KCNH8: variants seen among roughly 807,000 people sequenced by gnomAD.
The protein encoded by KCNH8 is voltage-gated delayed rectifier potassium channel KCNH8.
A neutral mutation model predicts 103.6 loss-of-function variants in KCNH8; 70 were observed. The observed-to-expected ratio is 0.68, with a 90% confidence interval of 0.56 to 0.82. The LOEUF is 0.82. Ranked by LOEUF, KCNH8 falls within the 40% of genes least tolerant of loss-of-function variation. The pLI, the probability that KCNH8 is intolerant of heterozygous loss-of-function variation, is 0.00. For synonymous variants in KCNH8, 498 were observed against 489.4 expected, an observed-to-expected ratio of 1.02 and a Z score of -0.23; for missense variants, 1,217 against 1,329.9, an observed-to-expected ratio of 0.92 and a Z score of 1.32.
intron 3 of KCNH8, among the ~76,000 whole-genome samples, chr3:19,329,696 A>G (rs1255711701): frequency 2.0e-5 from 3 of 152,188 alleles, no homozygotes; most frequent in Non-Finnish European, 2.9e-5. Flanking sequence ...GATAACTTCA[A>G]AAATCCCATG....
chr3:19,486,563 G>A (rs1346686002), intron 11 of KCNH8, among the ~76,000 whole-genome samples: 2 of 152,062 alleles, frequency 1.3e-5, no homozygotes, highest in Admixed American at 6.5e-5. Flanking sequence ...CCCCACAGTC[G>A]GTTAAAACTG....
rs566823077 is a variant in KCNH8 at position 19,242,297 on chromosome 3, A to G, written c.77-11357A>G. ...TAGGTTAGCACCATTCCACGGTCAT[A>G]CCATTGACATCACTAACTAATGAAA... On this transcript the variant is annotated intron_variant, in intron 1 of 15. Transcript: ENST00000328405. 3.2e-3 allele frequency among the ~76,000 whole-genome samples: 483 copies of G among 152,180 alleles called. 2 individuals carry two copies. The highest frequency in any genetic ancestry group is 5.7e-3 in the Non-Finnish European group (387 of 68,024).
chr3:19,238,348 T>A (rs916621935), intron 1 of KCNH8, among the ~76,000 whole-genome samples: 1 of 152,150 alleles, frequency 6.6e-6, no homozygotes, highest in African/African-American at 2.4e-5. Flanking sequence ...TATGTGACAA[T>A]GCTGCAGATA....
At position 19,347,732 on chromosome 3, in the gene KCNH8, T is replaced by C; in HGVS notation, c.578T>C (p.Phe193Ser). 1 of 1,612,882 alleles carries C rather than the reference T, an allele frequency of 6.2e-7. No individual in the cohort carries two copies. The highest frequency in any genetic ancestry group is 8.5e-7 in the Non-Finnish European group (1 of 1,179,224). ...TTTTGTCTTCATCCACAGAATGTTTTTGTAGATAAACCAGCATTTCCGGAG... is the reference window on the plus strand; with the variant it reads ...TTTTGTCTTCATCCACAGAATGTTTCTGTAGATAAACCAGCATTTCCGGAG... ...KNKLKINNNV[F>S]VDKPAFPEYK... Residue 193 changes from phenylalanine to serine, a missense_variant, in exon 5 of 16, where the codon TTT becomes TCT. Transcript: ENST00000328405.
chr3:19,411,525 G>A (rs541776912), intron 7 of KCNH8, among the ~76,000 whole-genome samples: 6 of 152,046 alleles, frequency 3.9e-5, no homozygotes, highest in African/African-American at 9.6e-5. Context: ...GCAATCAGTC[G>A]AGAGAAAGAA....
Position 19,325,290 on chromosome 3 carries a change from G to A in KCNH8, c.443-17297G>A, listed in dbSNP as rs1361363393. ...AATACCATTTAGGGCATAGGCATGG[G>A]CAAAGATTTCATGATGAAGACACGA... On this transcript the variant is annotated intron_variant, in intron 3 of 15. Transcript: ENST00000328405. Among the ~76,000 whole-genome samples the A allele has an allele frequency of 8.5e-5, 13 of 152,086 alleles. 1 individual carries two copies. The highest frequency in any genetic ancestry group is 3.1e-4 in the African/African-American group (13 of 41,408).
intron 15 of KCNH8, among the ~76,000 whole-genome samples, chr3:19,530,838 A>T (rs2069147413): frequency 6.6e-6 from 1 of 152,206 alleles, no homozygotes; most frequent in Non-Finnish European, 1.5e-5. Context: ...GAAGTCCTAA[A>T]TTCTAGACTG....
intron 7 of KCNH8, among the ~76,000 whole-genome samples, chr3:19,422,742 A>G (rs71314453): frequency 6.6e-6 from 1 of 152,220 alleles, no homozygotes; most frequent in Admixed American, 6.5e-5. Context: ...GGAATCAAGT[A>G]TATAAGAAAG....
intron 1 of KCNH8, among the ~76,000 whole-genome samples, chr3:19,181,340 T>A (rs1314199641): frequency 6.6e-6 from 1 of 151,864 alleles, no homozygotes; most frequent in African/African-American, 2.4e-5. Context: ...AAAAATGGAA[T>A]AAAATTAAAG....
chr3:19,440,751 A>G (rs1031814494), intron 8 of KCNH8, among the ~76,000 whole-genome samples: 3 of 152,158 alleles, frequency 2.0e-5, no homozygotes, highest in African/African-American at 4.8e-5. Context: ...CACCAATACA[A>G]TAATAAATAG....
intron 11 of KCNH8, among the ~76,000 whole-genome samples, chr3:19,500,275 G>A (rs1458254390): frequency 6.6e-6 from 1 of 152,132 alleles, no homozygotes; most frequent in Non-Finnish European, 1.5e-5. Flanking sequence ...AGAGCACCCA[G>A]AATCATAAAG....
intron 5 of KCNH8, among the ~76,000 whole-genome samples, chr3:19,350,677 A>C (rs1238703321): frequency 6.6e-6 from 1 of 152,132 alleles, no homozygotes; most frequent in Non-Finnish European, 1.5e-5. Context: ...TGACTGTTAG[A>C]AGGAAAACTA....
At chr3:19,251,191 C>T (rs1473644112) in intron 1 of KCNH8, among the ~76,000 whole-genome samples, 3 of 152,100 alleles carry the variant, frequency 2.0e-5, no homozygotes, top group Non-Finnish European at 2.9e-5. Context: ...ACTATGCGAT[C>T]GTTAAGGACT....
At chr3:19,155,881 C>T (rs1418628481) in intron 1 of KCNH8, among the ~76,000 whole-genome samples, 1 of 152,164 alleles carries the variant, frequency 6.6e-6, no homozygotes, top group African/African-American at 2.4e-5. Flanking sequence ...CCATGAACTC[C>T]TTGAAGCCTT....
chr3:19,191,921 C>A (rs2063556944), intron 1 of KCNH8, among the ~76,000 whole-genome samples: 3 of 151,640 alleles, frequency 2.0e-5, no homozygotes, highest in Admixed American at 1.3e-4. Context: ...ATGATTAGGA[C>A]ATTAGTTCTA....
intron 3 of KCNH8, among the ~76,000 whole-genome samples, chr3:19,284,734 C>T (rs1200540201): frequency 6.6e-6 from 1 of 151,846 alleles, no homozygotes; most frequent in Non-Finnish European, 1.5e-5. Flanking sequence ...ATACGAGGCC[C>T]TGTTTATATC....
intron 3 of KCNH8, among the ~76,000 whole-genome samples, chr3:19,282,635 T>TG (rs1162452135): frequency 1.3e-5 from 2 of 152,174 alleles, no homozygotes; most frequent in Non-Finnish European, 2.9e-5. Context: ...CTGACTTGTT[T>TG]GGAATATGAG....
intron 15 of KCNH8, among the ~76,000 whole-genome samples, chr3:19,530,921 C>T (rs527742531): frequency 6.6e-6 from 1 of 152,172 alleles, no homozygotes; most frequent in African/African-American, 2.4e-5. Context: ...TCCCATTTTA[C>T]AAGTTGAGAA....
At chr3:19,194,063 T>A (rs769670190) in intron 1 of KCNH8, among the ~76,000 whole-genome samples, 7 of 151,816 alleles carry the variant, frequency 4.6e-5, no homozygotes, top group Admixed American at 3.9e-4. Flanking sequence ...CTAAATGATA[T>A]ATTTTGAAGT....
Sources: allele counts gnomAD v4.1 joint callset (sites outside exome capture counted in the v4.1 genomes callset), GRCh38; gene constraint gnomAD v4.1.1; transcripts MANE v1.5; gene names NCBI Gene and HGNC (gene_info 2026-07-23, HGNC 2026-07-21).